ZNF804B: variants seen among roughly 807,000 people sequenced by gnomAD.
ZNF804B encodes the protein zinc finger 804B.
Under a neutral mutation model 101.4 loss-of-function variants are expected in ZNF804B, and 80 were observed. The ratio of observed to expected loss-of-function variants is 0.79; its 90% CI spans 0.66 to 0.95. ZNF804B has a LOEUF of 0.95. Among genes scored for constraint, ZNF804B ranks in the 40% least tolerant of loss-of-function variants. The pLI, the probability that ZNF804B is intolerant of heterozygous loss-of-function variation, is 0.00. For missense variants in ZNF804B, 1,673 were observed against 1,561.9 expected, an observed-to-expected ratio of 1.07 and a Z score of -1.20; for synonymous variants, 622 against 558.8, an observed-to-expected ratio of 1.11 and a Z score of -1.59.
intron 2 of ZNF804B, among the ~76,000 whole-genome samples, chr7:89,270,086 G>C (rs1789862638): frequency 6.6e-6 from 1 of 152,008 alleles, no homozygotes; most frequent in South Asian, 2.1e-4. Flanking sequence ...CCATTCATCA[G>C]TTTTGGCTTT....
chr7:89,011,425 T>G (rs1788460696), intron 1 of ZNF804B, among the ~76,000 whole-genome samples: 1 of 152,170 alleles, frequency 6.6e-6, no homozygotes, highest in South Asian at 2.1e-4. Context: ...TCTTAACTTA[T>G]TCCAGCATTA....
intron 1 of ZNF804B, among the ~76,000 whole-genome samples, chr7:88,931,494 T>C (rs1792884765): frequency 6.6e-6 from 1 of 151,922 alleles, no homozygotes. Flanking sequence ...GAAATAAGTT[T>C]TATGAATCTT....
At chr7:88,892,724 C>T (rs1221881840) in intron 1 of ZNF804B, among the ~76,000 whole-genome samples, 1 of 152,060 alleles carries the variant, frequency 6.6e-6, no homozygotes, top group African/African-American at 2.4e-5. Flanking sequence ...TTTTTTCTTT[C>T]TCCTGTTTTT....
chr7:88,822,387 T>C (rs1790996487), intron 1 of ZNF804B, among the ~76,000 whole-genome samples: 1 of 152,216 alleles, frequency 6.6e-6, no homozygotes, highest in Non-Finnish European at 1.5e-5. Context: ...TTTATTAATA[T>C]TATTGTCATT....
intron 1 of ZNF804B, among the ~76,000 whole-genome samples, chr7:88,957,726 T>A (rs1438593468): frequency 6.6e-6 from 1 of 151,286 alleles, no homozygotes; most frequent in Admixed American, 6.6e-5. Flanking sequence ...TATGTATGAT[T>A]AAATTCAACT....
At chr7:89,046,097 A>T (rs1789100909) in intron 1 of ZNF804B, among the ~76,000 whole-genome samples, 1 of 151,768 alleles carries the variant, frequency 6.6e-6, no homozygotes, top group Non-Finnish European at 1.5e-5. Context: ...TTCTCCCGAG[A>T]TCTGATTTTA....
chr7:88,980,567 TTA>T (rs1354353345), intron 1 of ZNF804B, among the ~76,000 whole-genome samples: 1 of 152,100 alleles, frequency 6.6e-6, no homozygotes, highest in Admixed American at 6.6e-5. Flanking sequence ...TTGCAGACTC[TTA>T]GAGTTAACCA....
At chr7:89,129,392 T>G (rs1015408161) in intron 1 of ZNF804B, among the ~76,000 whole-genome samples, 2 of 152,058 alleles carry the variant, frequency 1.3e-5, no homozygotes, top group Admixed American at 6.6e-5. Context: ...CTCATTGATT[T>G]ACATTTCTTT....
Position 89,008,614 on chromosome 7 carries a change from C to A in ZNF804B, c.109-209541C>A, listed in dbSNP as rs190694571. On this transcript the variant is annotated intron_variant, in intron 1 of 3. Transcript: ENST00000333190. The stretch of plus-strand genomic sequence containing the variant: ...CATGCAGCTGGTGGCAGACTTGGTT[C>A]TCTCTCATTAGCTTCCAATATCTCC... Among the ~76,000 whole-genome samples, 472 of 152,272 alleles carry A rather than the reference C, an allele frequency of 3.1e-3. 8 individuals carry two copies. Among genetic ancestry groups the A allele is most frequent in the African/African-American group, 0.011 (451 of 41,570 alleles).
chr7:88,921,542 A>G (rs2115998064), intron 1 of ZNF804B, among the ~76,000 whole-genome samples: 1 of 152,288 alleles, frequency 6.6e-6, no homozygotes. Flanking sequence ...ACAAATGTAT[A>G]GACCCTAGAT....
rs1584132762 is a variant in ZNF804B, at chr7:89,334,968, A to G, written c.1986A>G (p.Thr662=). ...RQFNCKSSPC[T]VGGHSDHGKD... is the part of the protein sequence containing the mutation. ...TCAACTGCAAGTCCAGTCCTTGTAC[A>G]GTAGGGGGTCACAGTGACCATGGGA... The change falls in exon 4 of 4, where the codon ACA becomes ACG. Residue 662 remains threonine (T), a synonymous_variant. Coordinates refer to ENST00000333190, the MANE Select transcript of ZNF804B (RefSeq NM_181646.5). The G allele has an allele frequency of 1.2e-6, 2 of 1,613,942 alleles. No homozygotes were observed. Among genetic ancestry groups the G allele is most frequent in the East Asian group, 4.5e-5 (2 of 44,848 alleles).
chr7:89,158,420 C>G (rs529000881), intron 1 of ZNF804B, among the ~76,000 whole-genome samples: 1 of 152,244 alleles, frequency 6.6e-6, no homozygotes, highest in East Asian at 1.9e-4. Flanking sequence ...TTAGCTTCAT[C>G]TCTGAAATAC....
chr7:89,067,153 A>G (rs146670127), intron 1 of ZNF804B, among the ~76,000 whole-genome samples: 1 of 152,116 alleles, frequency 6.6e-6, no homozygotes, highest in Non-Finnish European at 1.5e-5. Context: ...CTACCTACCT[A>G]TAAAGAAACA....
At chr7:89,186,935 C>A (rs1016937769) in intron 1 of ZNF804B, among the ~76,000 whole-genome samples, 3 of 152,146 alleles carry the variant, frequency 2.0e-5, no homozygotes, top group Admixed American at 6.6e-5. Flanking sequence ...GGAAACAACA[C>A]GGGGACCTCC....
chr7:89,133,024 T>G (rs558766090), intron 1 of ZNF804B, among the ~76,000 whole-genome samples: 3 of 152,136 alleles, frequency 2.0e-5, no homozygotes, highest in African/African-American at 7.2e-5. Flanking sequence ...TCTGCTGCAT[T>G]ATAATGCCTT....
chr7:88,903,667 AT>A (rs1424493500), intron 1 of ZNF804B, among the ~76,000 whole-genome samples: 1 of 152,104 alleles, frequency 6.6e-6, no homozygotes, highest in East Asian at 1.9e-4. Flanking sequence ...GTGAGATGGT[AT>A]CTCATTGTTA....
chr7:89,186,924 A>G (rs1186280989), intron 1 of ZNF804B, among the ~76,000 whole-genome samples: 1 of 152,152 alleles, frequency 6.6e-6, no homozygotes, highest in African/African-American at 2.4e-5. Flanking sequence ...AATCTCCCTG[A>G]GGAAACAACA....
At chr7:88,846,979 C>T (rs1791382921) in intron 1 of ZNF804B, among the ~76,000 whole-genome samples, 1 of 151,570 alleles carries the variant, frequency 6.6e-6, no homozygotes, top group Non-Finnish European at 1.5e-5. Context: ...TAAGGATATA[C>T]AGTAATTATT....
intron 1 of ZNF804B, among the ~76,000 whole-genome samples, chr7:89,043,815 A>C (rs1789056016): frequency 6.6e-6 from 1 of 152,204 alleles, no homozygotes; most frequent in Admixed American, 6.5e-5. Flanking sequence ...GTTAAAATTC[A>C]GAGTATCAGC....
Sources: allele counts gnomAD v4.1 joint callset (sites outside exome capture counted in the v4.1 genomes callset), GRCh38; gene constraint gnomAD v4.1.1; transcripts MANE v1.5; gene names NCBI Gene and HGNC (gene_info 2026-07-23, HGNC 2026-07-21).